EBF3: variants seen among roughly 807,000 people sequenced by gnomAD.
EBF3 encodes the protein EBF transcription factor 3.
Under a neutral mutation model 77.1 loss-of-function variants are expected in EBF3, and 18 were observed. The ratio of observed to expected loss-of-function variants is 0.23; its 90% CI spans 0.16 to 0.35. The LOEUF is 0.35. Ranked by LOEUF, EBF3 falls within the 10% of genes least tolerant of loss-of-function variation. The pLI is 1.00. For missense variants in EBF3, 558 were observed against 860.0 expected (o/e 0.65, Z 4.39); for synonymous variants, 350 against 343.5 (o/e 1.02, Z -0.21).
chr10:129,925,773 A>C (rs1393279097), intron 6 of EBF3, among the ~76,000 whole-genome samples: 1 of 152,158 alleles, frequency 6.6e-6, no homozygotes, highest in Non-Finnish European at 1.5e-5. Flanking sequence ...AACATGTTCC[A>C]ATCACGCTGA....
rs1367664382 is a variant in EBF3 at position 129,870,743 on chromosome 10, G to T, written c.781+2709C>A. Among the ~76,000 whole-genome samples, 2 of 152,188 alleles carry T rather than the reference G, an allele frequency of 1.3e-5. No homozygotes were observed. The highest frequency in any genetic ancestry group is 1.3e-4 in the Admixed American group (2 of 15,286). On this transcript the variant is annotated intron_variant, in intron 8 of 16. Transcript: ENST00000440978. This position sits in a 1 kb window ranked among gnomAD's most constrained non-coding sequence, Gnocchi z 4.4. Reference sequence around the variant, plus strand: ...GGGATGAGCATGTCAAAACGGGAGCGTGACTCAACTTGGAAACCCGTGTTG... The same window carrying T: ...GGGATGAGCATGTCAAAACGGGAGCTTGACTCAACTTGGAAACCCGTGTTG...
In EBF3 at chr10:129,863,409, G is replaced by T. The variant is rs1166877150; in HGVS notation, c.1039+3732C>A. Among the ~76,000 whole-genome samples, 1 of 152,232 alleles carries T rather than the reference G, an allele frequency of 6.6e-6. No homozygotes were observed. On this transcript the variant is annotated intron_variant, in intron 10 of 16. Coordinates refer to ENST00000440978, the MANE Select transcript of EBF3 (RefSeq NM_001375380.1). This position sits in a 1 kb window ranked among gnomAD's most constrained non-coding sequence, Gnocchi z 4.0. Reference sequence around the variant, plus strand: ...TGGCCTGCCTTCCCCTTCCCACTCGGGGTTGACTAATAGGGTCTGGTTCAG... The same window carrying T: ...TGGCCTGCCTTCCCCTTCCCACTCGTGGTTGACTAATAGGGTCTGGTTCAG...
chr10:129,922,303 G>A, intron 6 of EBF3, among the ~76,000 whole-genome samples: 1 of 152,186 alleles, frequency 6.6e-6, no homozygotes, highest in East Asian at 1.9e-4. Flanking sequence ...AGGAACAGAG[G>A]ATGGAGATAG....
chr10:129,865,958 A>ACT (rs1851985111), intron 10 of EBF3, among the ~76,000 whole-genome samples: 2 of 152,174 alleles, frequency 1.3e-5, no homozygotes, highest in Non-Finnish European at 2.9e-5. Context: ...ACAGTCACCC[A>ACT]GCCACTGCAC....
chr10:129,864,293 C>T lies in EBF3; in HGVS notation c.1039+2848G>A, dbSNP rs931051388. On this transcript the variant is annotated intron_variant, in intron 10 of 16. Transcript: ENST00000440978. The surrounding 1 kb of genome is among the most constrained non-coding windows in gnomAD (Gnocchi z 4.4). ...GGCCATGCTGGGAATTGGGGGGACG[C>T]TGACATCACAGGCTCCGCCACACCA... Among the ~76,000 whole-genome samples the T allele has an allele frequency of 1.3e-5, 2 of 152,154 alleles. No homozygotes were observed. Among genetic ancestry groups the T allele is most frequent in the African/African-American group, 4.8e-5 (2 of 41,450 alleles).
At chr10:129,839,898 T>G (rs1455605027) in intron 15 of EBF3, among the ~76,000 whole-genome samples, 4 of 152,208 alleles carry the variant, frequency 2.6e-5, no homozygotes, top group Admixed American at 2.6e-4. Context: ...GCCCATTGGC[T>G]GAATCAGACC....
At chr10:129,881,211 C>T (rs969807769) in intron 6 of EBF3, among the ~76,000 whole-genome samples, 1 of 152,148 alleles carries the variant, frequency 6.6e-6, no homozygotes, top group Admixed American at 6.5e-5. Flanking sequence ...CATGGATTTG[C>T]TGCTCCATCA....
intron 6 of EBF3, among the ~76,000 whole-genome samples, chr10:129,889,010 C>T (rs917389695): frequency 3.3e-5 from 5 of 152,230 alleles, no homozygotes; most frequent in Non-Finnish European, 7.3e-5. Flanking sequence ...GAACCCCTGT[C>T]CCCTCCCCAA....
chr10:129,939,916 A>G (rs1221849887), intron 6 of EBF3, among the ~76,000 whole-genome samples: 2 of 152,256 alleles, frequency 1.3e-5, no homozygotes, highest in African/African-American at 4.8e-5. Flanking sequence ...GACCTGTGAG[A>G]GCCTCTAGTG....
chr10:129,838,363 C>A lies in EBF3; in HGVS notation c.1873-403G>T, dbSNP rs544786166. Among the ~76,000 whole-genome samples the A allele has an allele frequency of 5.5e-4, 84 of 152,348 alleles. 1 individual carries two copies. Among genetic ancestry groups the A allele is most frequent in the African/African-American group, 1.9e-3 (80 of 41,590 alleles). ...TGACCCAGCCTGGTCACTCCCGTGA[C>A]GCCAGTCAAGGCCGGCTCACAGGCC... On this transcript the variant is annotated intron_variant, in intron 16 of 16. Coordinates refer to ENST00000440978, the MANE Select transcript of EBF3 (RefSeq NM_001375380.1).
intron 6 of EBF3, among the ~76,000 whole-genome samples, chr10:129,891,874 A>T (rs1245400047): frequency 6.6e-6 from 1 of 152,188 alleles, no homozygotes; most frequent in African/African-American, 2.4e-5. Context: ...GGTAGTTCAG[A>T]AATATCTAAA....
rs1031804168 is a variant in EBF3 at position 129,885,433 on chromosome 10, T to C, written c.555-7584A>G. ...CCCACTCCGCCCGCTGTCAGTGTTC[T>C]AGTTAGTATTTTCTGCAACTGCTCC... On this transcript the variant is annotated intron_variant, in intron 6 of 16. Coordinates refer to ENST00000440978, the MANE Select transcript of EBF3 (RefSeq NM_001375380.1). This position sits in a 1 kb window ranked among gnomAD's most constrained non-coding sequence, Gnocchi z 4.0. 2.6e-5 allele frequency among the ~76,000 whole-genome samples: 4 copies of C among 152,212 alleles called. No homozygotes were observed. Among genetic ancestry groups the C allele is most frequent in the Admixed American group, 6.5e-5 (1 of 15,288 alleles).
rs930104352 is a variant in EBF3 at position 129,952,304 on chromosome 10, T to C, written c.554+4954A>G. ...TGCATTATGCAGATGAAATGACAAG[T>C]TGTCATTTAAGAAGTTAATAAACAG... On this transcript the variant is annotated intron_variant, in intron 6 of 16. Transcript: ENST00000440978. This position sits in a 1 kb window ranked among gnomAD's most constrained non-coding sequence, Gnocchi z 4.7. Among the ~76,000 whole-genome samples, 4 of 152,232 alleles carry C rather than the reference T, an allele frequency of 2.6e-5. No homozygotes were observed. The highest frequency in any genetic ancestry group is 9.6e-5 in the African/African-American group (4 of 41,468).
chr10:129,962,831 T>C, intron 3 of EBF3, 111 bp downstream of exon 3: 1 of 1,292,304 alleles, frequency 7.7e-7, no homozygotes. Flanking sequence ...CATGAGAAGA[T>C]TTCGTGTTTA....
Position 129,835,714 on chromosome 10 carries a change from T to C in EBF3, c.*2229A>G, listed in dbSNP as rs1437957463. 1 of 152,300 alleles carries C rather than the reference T, an allele frequency of 6.6e-6. No homozygotes were observed. The highest frequency in any genetic ancestry group is 1.9e-4 in the East Asian group (1 of 5,204). 9.4% of individuals were successfully genotyped at this position (152,300 alleles called of 1,614,324 possible). A position where few individuals can be genotyped will look rare whatever the true frequency, so the allele number is the denominator to read the frequency against. On this transcript the variant is annotated 3_prime_UTR_variant, in exon 17 of 17. Coordinates refer to ENST00000440978, the MANE Select transcript of EBF3 (RefSeq NM_001375380.1). ...TTTTGTCCCTAGAATGAACACTTTGTAAGTTGTGCATTGTTGATTTTTGTC... is the reference window on the plus strand; with the variant it reads ...TTTTGTCCCTAGAATGAACACTTTGCAAGTTGTGCATTGTTGATTTTTGTC...
chr10:129,917,681 T>TAAAAAAAAAAAAAAAAAAAAAAAAAA (rs1239226466), intron 6 of EBF3, among the ~76,000 whole-genome samples: 132 of 60,402 alleles, frequency 2.2e-3, no homozygotes, highest in Middle Eastern at 0.011. Flanking sequence ...AAAAAAAAAC[T>TAAAAAAAAAAAAAAAAAAAAAAAAAA]AAAACCAAGC....
intron 6 of EBF3, among the ~76,000 whole-genome samples, chr10:129,892,237 GC>G (rs1265457936): frequency 6.6e-6 from 1 of 152,230 alleles, no homozygotes; most frequent in Non-Finnish European, 1.5e-5. Flanking sequence ...ACTACCTGGG[GC>G]CAGGAGGCGG....
rs1042954246 is a variant in EBF3 at position 129,959,186 on chromosome 10, G to T, written c.412-179C>A. Among the ~76,000 whole-genome samples, 7 of 152,228 alleles carry T rather than the reference G, an allele frequency of 4.6e-5. 1 individual carries two copies. In the South Asian group the frequency reaches 1.4e-3, roughly 32 times the overall value. ...CACCCTCGGAGCTGGGCTAGGCCGC[G>T]ATGGCTTCTCCCTCCCCTGCCTCCC... On this transcript the variant is annotated intron_variant, in intron 4 of 16. Coordinates refer to ENST00000440978, the MANE Select transcript of EBF3 (RefSeq NM_001375380.1).
intron 8 of EBF3, among the ~76,000 whole-genome samples, chr10:129,873,110 G>A (rs559535067): frequency 1.3e-5 from 2 of 152,326 alleles, no homozygotes; most frequent in African/African-American, 2.4e-5. Flanking sequence ...GGGCCTGCAC[G>A]AGGTATCTGG....
Sources: gnomAD v4.1 joint callset for allele counts (sites outside exome capture counted in the v4.1 genomes callset) on GRCh38, gnomAD v4.1.1 for gene constraint, Gnocchi (gnomAD v3.1) non-coding constraint, MANE v1.5 for transcripts, NCBI Gene and HGNC (gene_info 2026-07-23, HGNC 2026-07-21) for gene names.